The following TPD52L1 variants were observed in gnomAD, a reference collection of about 807,000 sequenced individuals.
The protein encoded by TPD52L1 is tumor protein D53.
TPD52L1 carries 18 observed loss-of-function variants against 28.7 expected under a neutral mutation model. The ratio of observed to expected loss-of-function variants is 0.63; its 90% confidence interval spans 0.43 to 0.93. The LOEUF is 0.93. TPD52L1 is among the 40% of genes least tolerant of loss of function. The pLI, the probability that TPD52L1 is intolerant of heterozygous loss-of-function variation, is 0.00. For synonymous variants in TPD52L1, 75 were observed against 88.8 expected (o/e 0.84, Z 0.88); for missense variants, 203 against 254.8 (o/e 0.80, Z 1.39).
At chr6:125,206,555 G>C (rs1794155635) in intron 1 of TPD52L1, among the ~76,000 whole-genome samples, 1 of 152,140 alleles carries the variant, frequency 6.6e-6, no homozygotes. Flanking sequence ...GGACTGAATA[G>C]AACATGACTG....
At chr6:125,154,270 C>A (rs1789962670) in intron 1 of TPD52L1, 1 of 1,207,298 alleles carries the variant, frequency 8.3e-7, no homozygotes, top group East Asian at 3.7e-5. Context: ...TTCCCAACCT[C>A]GCGGCTGCCC....
intron 1 of TPD52L1, among the ~76,000 whole-genome samples, chr6:125,182,301 G>T (rs531676312): frequency 6.6e-6 from 1 of 152,164 alleles, no homozygotes; most frequent in African/African-American, 2.4e-5. Flanking sequence ...CTGATCAAGT[G>T]CACAGCGCTG....
intron 3 of TPD52L1, among the ~76,000 whole-genome samples, chr6:125,232,576 G>A (rs1796015842): frequency 6.6e-6 from 1 of 152,142 alleles, no homozygotes; most frequent in Non-Finnish European, 1.5e-5. Context: ...CAGAGGATGT[G>A]TGTGATTCCC....
Sources: allele counts gnomAD v4.1 joint callset (sites outside exome capture counted in the v4.1 genomes callset), GRCh38; gene constraint gnomAD v4.1.1; transcripts MANE v1.5; gene names NCBI Gene and HGNC (gene_info 2026-07-23, HGNC 2026-07-21).